The following DOCK2 variants were observed in gnomAD, a reference collection of about 807,000 sequenced individuals.
DOCK2 encodes dedicator of cytokinesis protein 2.
Under a neutral mutation model 248.9 loss-of-function variants are expected in DOCK2, and 87 were observed. That is an observed-to-expected ratio of 0.35 (90% CI 0.29 to 0.42). The LOEUF (loss-of-function observed/expected upper bound fraction) is 0.42, where lower values mean the gene tolerates loss of function less well. Among genes scored for constraint, DOCK2 ranks in the 10% least tolerant of loss-of-function variants. The pLI, the probability that DOCK2 is intolerant of heterozygous loss-of-function variation, is 1.00. For synonymous variants in DOCK2, 805 were observed against 821.6 expected (o/e 0.98, Z 0.35); for missense variants, 1,747 against 2,300.2 (o/e 0.76, Z 4.92).
At chr5:170,036,619 T>C in intron 36 of DOCK2, 64 bp downstream of exon 36, 1 of 1,509,438 alleles carries the variant, frequency 6.6e-7, no homozygotes, top group Non-Finnish European at 9.1e-7. Context: ...TATCCATCGA[T>C]GGCTCCCTGC....
intron 22 of DOCK2, among the ~76,000 whole-genome samples, chr5:169,732,484 G>A (rs1762833179): frequency 6.6e-6 from 1 of 152,080 alleles, no homozygotes; most frequent in East Asian, 1.9e-4. Flanking sequence ...CCAATCACTT[G>A]ATATCTTCTT....
At chr5:170,040,861 TA>T in intron 36 of DOCK2, 193 bp from the exon 37 acceptor site, 4 of 501,734 alleles carry the variant, frequency 8.0e-6, no homozygotes, top group Non-Finnish European at 1.3e-5. Flanking sequence ...GTTAACTTAG[TA>T]CCTGTCATGC....
At chr5:170,073,175 A>AAAGT (rs1757735666) in intron 46 of DOCK2, among the ~76,000 whole-genome samples, 1 of 152,206 alleles carries the variant, frequency 6.6e-6, no homozygotes, top group Middle Eastern at 3.2e-3. Flanking sequence ...TGACTGATGT[A>AAAGT]AAGTAAGAGG....
At chr5:169,905,844 A>G (rs189845750) in intron 27 of DOCK2, among the ~76,000 whole-genome samples, 13 of 152,372 alleles carry the variant, frequency 8.5e-5, no homozygotes, top group Non-Finnish European at 1.5e-4. Context: ...TGTAGCAGCC[A>G]GGAAGATTTA....
At chr5:170,005,752 A>G (rs2113807098) in intron 30 of DOCK2, among the ~76,000 whole-genome samples, 1 of 152,274 alleles carries the variant, frequency 6.6e-6, no homozygotes, top group East Asian at 1.9e-4. Context: ...TTTTTTTTAA[A>G]AAAAAGAAAA....
At chr5:169,932,730 A>C (rs1433532506) in intron 27 of DOCK2, among the ~76,000 whole-genome samples, 1 of 152,190 alleles carries the variant, frequency 6.6e-6, no homozygotes, top group Non-Finnish European at 1.5e-5. Context: ...TTATATTAGA[A>C]GGGAAATGTG....
intron 5 of DOCK2, among the ~76,000 whole-genome samples, chr5:169,673,747 T>C (rs1561587535): frequency 6.6e-6 from 1 of 152,188 alleles, no homozygotes; most frequent in Non-Finnish European, 1.5e-5. Context: ...GTTAGAGACA[T>C]ATTACTATGA....
In DOCK2 at chr5:169,837,424, A is replaced by T. The variant is rs142200329; in HGVS notation, c.2704-3333A>T. Among the ~76,000 whole-genome samples, 280 of 152,272 alleles carry T rather than the reference A, an allele frequency of 1.8e-3. 2 individuals are homozygous for T. Among genetic ancestry groups the T allele is most frequent in the South Asian group, 0.014 (67 of 4,822 alleles). The stretch of plus-strand genomic sequence containing the variant: ...TTTTCCATTTGCATATATGCTATAC[A>T]TTCTTTGGGTGACATTTAGATATCA... On this transcript the variant is annotated intron_variant, in intron 26 of 51. Coordinates refer to ENST00000520908, the MANE Select transcript of DOCK2 (RefSeq NM_004946.3).
intron 2 of DOCK2, among the ~76,000 whole-genome samples, chr5:169,658,960 GC>G: frequency 6.7e-6 from 1 of 149,776 alleles, no homozygotes; most frequent in East Asian, 1.9e-4. Flanking sequence ...GAGGATATTT[GC>G]TTCCAATCTA....
At chr5:169,985,488 T>C (rs2113787922) in intron 28 of DOCK2, among the ~76,000 whole-genome samples, 1 of 152,176 alleles carries the variant, frequency 6.6e-6, no homozygotes, top group East Asian at 1.9e-4. Flanking sequence ...CTGAGATGCT[T>C]TCATACAGTG....
chr5:170,059,991 C>T (rs1313366707), intron 44 of DOCK2, among the ~76,000 whole-genome samples: 3 of 152,196 alleles, frequency 2.0e-5, no homozygotes, highest in Non-Finnish European at 2.9e-5. Flanking sequence ...AAGTTGAATG[C>T]TCTTCTAAGT....
intron 25 of DOCK2, among the ~76,000 whole-genome samples, chr5:169,792,873 G>C (rs1246048422): frequency 6.6e-6 from 1 of 152,162 alleles, no homozygotes; most frequent in African/African-American, 2.4e-5. Flanking sequence ...TAAGGAGCTG[G>C]ATTGGCTTTT....
In DOCK2 at chr5:169,803,132, C is replaced by T. The variant is rs1330591193; in HGVS notation, c.2629C>T (p.His877Tyr). The change falls in exon 26 of 52, where the codon CAC becomes TAC. Residue 877 changes from histidine to tyrosine, a missense_variant. Coordinates refer to ENST00000520908, the MANE Select transcript of DOCK2 (RefSeq NM_004946.3). The stretch of plus-strand genomic sequence containing the variant: ...GCTGGAGCAGAAGGATGACATGCAA[C>T]ACCAGGTCCTGGAGAGGAAGTACTG... ...ELLEQKDDMQ[H>Y]QVLERKYCVE... is the part of the protein sequence containing the mutation. 2 of 1,614,178 alleles carry T rather than the reference C, an allele frequency of 1.2e-6. No individual in the cohort carries two copies. The highest frequency in any genetic ancestry group is 2.2e-5 in the South Asian group (2 of 91,088).
At position 169,640,295 on chromosome 5, in the gene DOCK2, G is replaced by A. The variant is rs556892333; in HGVS notation, c.43+2926G>A. Among the ~76,000 whole-genome samples the A allele has an allele frequency of 3.8e-4, 58 of 152,322 alleles. 1 individual carries two copies. The highest frequency in any genetic ancestry group is 1.7e-3 in the South Asian group (8 of 4,824). On this transcript the variant is annotated intron_variant, in intron 1 of 51. Coordinates refer to ENST00000520908, the MANE Select transcript of DOCK2 (RefSeq NM_004946.3). The stretch of plus-strand genomic sequence containing the variant: ...GGACTATAAAGAGGGCTTCAAGGCA[G>A]GAGTCCTGAGATAAAGGGTGAGGGT...
At chr5:169,890,272 T>A (rs1773208377) in intron 27 of DOCK2, among the ~76,000 whole-genome samples, 1 of 152,154 alleles carries the variant, frequency 6.6e-6, no homozygotes, top group South Asian at 2.1e-4. Flanking sequence ...TGTCTTCCAC[T>A]CTTTTTCTAT....
At chr5:169,873,364 G>A (rs1258297789) in intron 27 of DOCK2, among the ~76,000 whole-genome samples, 2 of 152,202 alleles carry the variant, frequency 1.3e-5, no homozygotes, top group Admixed American at 6.5e-5. Context: ...CATTTAAGCT[G>A]TGTTTGCTAT....
intron 2 of DOCK2, among the ~76,000 whole-genome samples, chr5:169,665,028 ATAAG>A (rs1412564379): frequency 2.2e-5 from 3 of 133,466 alleles, no homozygotes; most frequent in Non-Finnish European, 3.2e-5. Context: ...ATGTTTATAT[ATAAG>A]TATCAGCATA....
At chr5:169,868,802 T>C (rs922073782) in intron 27 of DOCK2, among the ~76,000 whole-genome samples, 4 of 152,124 alleles carry the variant, frequency 2.6e-5, no homozygotes, top group Non-Finnish European at 5.9e-5. Context: ...TTCTAGAATG[T>C]GTATGGAACT....
intron 27 of DOCK2, among the ~76,000 whole-genome samples, chr5:169,973,292 G>C (rs1321259368): frequency 6.6e-6 from 1 of 152,074 alleles, no homozygotes. Context: ...ATTTCCACAG[G>C]GGGGTTTAAA....
Sources: allele counts gnomAD v4.1 joint callset (sites outside exome capture counted in the v4.1 genomes callset), GRCh38; gene constraint gnomAD v4.1.1; transcripts MANE v1.5; gene names NCBI Gene and HGNC (gene_info 2026-07-23, HGNC 2026-07-21).